ETFDH: variants seen among roughly 807,000 people sequenced by gnomAD.
ETFDH encodes electron transfer flavoprotein dehydrogenase.
Under a neutral mutation model 73.2 loss-of-function variants are expected in ETFDH, and 61 were observed. The ratio of observed to expected loss-of-function variants is 0.83; its 90% confidence interval spans 0.68 to 1.03. The LOEUF (loss-of-function observed/expected upper bound fraction) is 1.03, where lower values mean the gene tolerates loss of function less well. Among genes scored for constraint, ETFDH ranks in the 50% least tolerant of loss-of-function variants. ETFDH has a pLI of 0.00. For missense variants in ETFDH, 685 were observed against 745.0 expected, an observed-to-expected ratio of 0.92 and a Z score of 0.94; for synonymous variants, 243 against 253.3, an observed-to-expected ratio of 0.96 and a Z score of 0.39.
rs373220891 is a variant in ETFDH at position 158,684,554 on chromosome 4, T to C, written c.406-38T>C. ...GTATTTATATTTACACTTGCAAATATAAACTAAAAACATTTCTTTTTCTTC... is the reference window on the plus strand; with the variant it reads ...GTATTTATATTTACACTTGCAAATACAAACTAAAAACATTTCTTTTTCTTC... On this transcript the variant is annotated intron_variant, in intron 3 of 12. Coordinates refer to ENST00000511912, the MANE Select transcript of ETFDH (RefSeq NM_004453.4). 5 of 1,192,120 alleles carry C rather than the reference T, an allele frequency of 4.2e-6. No individual in the cohort carries two copies. In the African/African-American group the frequency reaches 4.5e-5, roughly 11 times the overall value. 73.8% of individuals were successfully genotyped at this position (1,192,120 alleles called of 1,614,324 possible). A position where few individuals can be genotyped will look rare whatever the true frequency, so the allele number is the denominator to read the frequency against.
chr4:158,695,625 C>CT lies in ETFDH; in HGVS notation c.813_814insT (p.Gly272TrpfsTer11). ...GAGCAAATTGTGAACCTCAAACCTACGGGATTGGACTGAAGGAGGTATCCT... is the reference window on the plus strand; with the variant it reads ...GAGCAAATTGTGAACCTCAAACCTACTGGGATTGGACTGAAGGAGGTATCCT... On this transcript the variant is annotated frameshift_variant, in exon 7 of 13. Transcript: ENST00000511912. LOFTEE classifies it high-confidence loss of function. The CT allele has an allele frequency of 6.2e-7, 1 of 1,609,722 alleles. No individual in the cohort carries two copies. The highest frequency in any genetic ancestry group is 8.5e-7 in the Non-Finnish European group (1 of 1,176,172).
intron 1 of ETFDH, among the ~76,000 whole-genome samples, chr4:158,678,523 C>T (rs1773767183): frequency 6.6e-6 from 1 of 152,106 alleles, no homozygotes. Flanking sequence ...GTGATATCTG[C>T]CATATTTCTC....
In ETFDH at chr4:158,697,243, C is replaced by T. The variant is rs145207902; in HGVS notation, c.832-316C>T. ...CTGAGTAGCTGGGATTACAGGCATC[C>T]GCCACCATGCCTAGCTAATTTTTGT... On this transcript the variant is annotated intron_variant, in intron 7 of 12. Coordinates refer to ENST00000511912, the MANE Select transcript of ETFDH (RefSeq NM_004453.4). 3.7e-4 allele frequency among the ~76,000 whole-genome samples: 57 copies of T among 152,076 alleles called. No homozygotes were observed. The East Asian group carries it at 7.0e-3, about 19-fold the overall frequency.
chr4:158,702,762 A>G (rs1774498297), intron 9 of ETFDH, among the ~76,000 whole-genome samples: 1 of 152,188 alleles, frequency 6.6e-6, no homozygotes, highest in South Asian at 2.1e-4. Flanking sequence ...TATTGTGAAT[A>G]GTGCTGCAAT....
chr4:158,690,373 TA>T lies in ETFDH; in HGVS notation c.636del (p.Gly213GlufsTer7). 2 of 1,601,388 alleles carry T rather than the reference TA, an allele frequency of 1.2e-6. No homozygotes were observed. The highest frequency in any genetic ancestry group is 1.7e-6 in the Non-Finnish European group (2 of 1,168,342). ...AEVLFHDDGSVKGIATNDVGI... is the reference protein window; with the variant it reads ...AEVLFHDDGSXKGIATNDVGI... ...GTCCTTTTTCATGATGATGGTAGTG[TA>T]AAAGGAATTGCCACTAACGATGTAG... On this transcript the variant is annotated frameshift_variant, in exon 6 of 13. Coordinates refer to ENST00000511912, the MANE Select transcript of ETFDH (RefSeq NM_004453.4). LOFTEE classifies it high-confidence loss of function.
intron 12 of ETFDH, among the ~76,000 whole-genome samples, chr4:158,707,231 T>C (rs1774649626): frequency 6.6e-6 from 1 of 152,236 alleles, no homozygotes; most frequent in Admixed American, 6.5e-5. Context: ...GCTCTGAAAC[T>C]TTAAATTCAC....
In ETFDH at chr4:158,695,595, T is replaced by A. The variant is rs746842044; in HGVS notation, c.783T>A (p.Asp261Glu). The A allele has an allele frequency of 6.2e-7, 1 of 1,612,258 alleles. No homozygotes were observed. The highest frequency in any genetic ancestry group is 1.7e-5 in the Admixed American group (1 of 60,016). ...HLAKQLYKKF[D>E]LRANCEPQTY... ...CCAAGCAACTATATAAGAAGTTTGA[T>A]TTGAGAGCAAATTGTGAACCTCAAA... is the stretch of plus-strand genomic sequence containing the variant. The change falls in exon 7 of 13, where the codon GAT becomes GAA. Residue 261 changes from aspartate (D) to glutamate (E), a missense_variant. Asp to Glu is a conservative substitution (Grantham distance 45). Around this residue, in one of 3 missense-constraint regions of ETFDH, gnomAD observed 405 missense variants for 399.3 expected, o/e 1.01. Transcript: ENST00000511912.
chr4:158,678,087 T>G (rs980221568), intron 1 of ETFDH, among the ~76,000 whole-genome samples: 2 of 152,242 alleles, frequency 1.3e-5, no homozygotes, highest in African/African-American at 2.4e-5. Flanking sequence ...CATATGCCCT[T>G]TGCGGAGCTT....
Position 158,675,811 on chromosome 4 carries a change from G to A in ETFDH, c.34+3321G>A, listed in dbSNP as rs1773698691. 3.3e-5 allele frequency among the ~76,000 whole-genome samples: 5 copies of A among 151,320 alleles called. No homozygotes were observed. The South Asian group carries it at 1.0e-3, about 31-fold the overall frequency. Reference sequence around the variant, plus strand: ...GTCAGCTAGGAACATTCATGTGCAAGTTTTTGTGTAGAAGTATGTTTTCAT... The same window carrying A: ...GTCAGCTAGGAACATTCATGTGCAAATTTTTGTGTAGAAGTATGTTTTCAT... On this transcript the variant is annotated intron_variant, in intron 1 of 12. Coordinates refer to ENST00000511912, the MANE Select transcript of ETFDH (RefSeq NM_004453.4).
At chr4:158,686,680 C>T (rs926826874) in intron 5 of ETFDH, among the ~76,000 whole-genome samples, 1 of 152,162 alleles carries the variant, frequency 6.6e-6, no homozygotes, top group Admixed American at 6.5e-5. Context: ...GTTTCTATGA[C>T]TCAACCTTGA....
At chr4:158,703,808 C>T (rs1473857994) in intron 10 of ETFDH, among the ~76,000 whole-genome samples, 1 of 152,108 alleles carries the variant, frequency 6.6e-6, no homozygotes, top group African/African-American at 2.4e-5. Flanking sequence ...AGAAAAGTAC[C>T]AGTGGTAGCC....
intron 3 of ETFDH, among the ~76,000 whole-genome samples, chr4:158,682,750 G>T (rs1346202006): frequency 1.3e-5 from 2 of 151,848 alleles, no homozygotes; most frequent in Admixed American, 1.3e-4. Flanking sequence ...GGCCAGACTG[G>T]TCTCGAACTC....
rs567085256 is a variant in ETFDH at position 158,680,451 on chromosome 4, C to T, written c.35-16C>T. ...TAATTTTAAGGAAGATAATAATTTT[C>T]GTAATTTTTGTGCAGCATATCAGTG... is the stretch of plus-strand genomic sequence containing the variant. On this transcript the variant is annotated splice_polypyrimidine_tract_variant and intron_variant, in intron 1 of 12. Transcript: ENST00000511912. 6.7e-5 allele frequency: 107 copies of T among 1,588,792 alleles called. No individual in the cohort carries two copies. The highest frequency in any genetic ancestry group is 8.0e-5 in the Non-Finnish European group (93 of 1,157,526).
chr4:158,684,498 T>C, intron 3 of ETFDH, 94 bp from the exon 4 acceptor site: 2 of 713,250 alleles, frequency 2.8e-6, no homozygotes, highest in Middle Eastern at 4.0e-4. Flanking sequence ...AGTTCTTTTT[T>C]TGTCATCAGA....
chr4:158,685,357 T>G (rs1773978823), intron 5 of ETFDH, 138 bp downstream of exon 5: 30 of 630,802 alleles, frequency 4.8e-5, no homozygotes, highest in Non-Finnish European at 8.0e-5. Context: ...AAGGAATCTT[T>G]AAAGTATCTA....
chr4:158,694,345 C>T (rs1774253777), intron 6 of ETFDH, among the ~76,000 whole-genome samples: 1 of 152,132 alleles, frequency 6.6e-6, no homozygotes, highest in South Asian at 2.1e-4. Context: ...GTAATCCCAG[C>T]ACTTTGGGAG....
intron 5 of ETFDH, among the ~76,000 whole-genome samples, chr4:158,689,002 C>T (rs1164204792): frequency 6.6e-6 from 1 of 152,100 alleles, no homozygotes; most frequent in Admixed American, 6.5e-5. Flanking sequence ...AGGAGGCATC[C>T]TTCTTGGTGT....
In ETFDH at chr4:158,690,363, G is replaced by A; in HGVS notation, c.622G>A (p.Asp208Asn). The A allele has an allele frequency of 6.3e-7, 1 of 1,590,260 alleles. No homozygotes were observed. The highest frequency in any genetic ancestry group is 2.2e-5 in the East Asian group (1 of 44,736). The change falls in exon 6 of 13, where the codon GAT becomes AAT. Residue 208 changes from aspartate (D) to asparagine (N), a missense_variant. Around this residue, in one of 3 missense-constraint regions of ETFDH, gnomAD observed 405 missense variants for 399.3 expected, o/e 1.01. Coordinates refer to ENST00000511912, the MANE Select transcript of ETFDH (RefSeq NM_004453.4). ...TCATTTTTAGGTCCTTTTTCATGAT[G>A]ATGGTAGTGTAAAAGGAATTGCCAC... ...YAAAEVLFHD[D>N]GSVKGIATND... is the part of the protein sequence containing the mutation.
chr4:158,708,543 T>C lies in ETFDH; in HGVS notation c.*16T>C. 1 of 1,609,214 alleles carries C rather than the reference T, an allele frequency of 6.2e-7. No individual in the cohort carries two copies. Among genetic ancestry groups the C allele is most frequent in the Admixed American group, 1.7e-5 (1 of 60,014 alleles). On this transcript the variant is annotated 3_prime_UTR_variant, in exon 13 of 13. Transcript: ENST00000511912. ...TGGAATGTAAACTGCAGCTAGCCAG[T>C]TTCTTTCAAGTATGGCAAGCTAACG...
Sources: gnomAD v4.1 joint callset for allele counts (sites outside exome capture counted in the v4.1 genomes callset) on GRCh38, gnomAD v4.1.1 for gene constraint, gnomAD v4.1.1 regional missense constraint, MANE v1.5 for transcripts, NCBI Gene and HGNC (gene_info 2026-07-23, HGNC 2026-07-21) for gene names.